Variants in AATF observed in about 807,000 individuals in gnomAD.
The protein encoded by AATF is protein AATF.
AATF carries 48 observed loss-of-function variants against 63.7 expected under a neutral mutation model. The ratio of observed to expected loss-of-function variants is 0.75; its 90% confidence interval spans 0.60 to 0.96. AATF has a LOEUF of 0.96. AATF is among the 40% of genes least tolerant of loss of function. The pLI is 0.00. For missense variants in AATF, 639 were observed against 685.7 expected (o/e 0.93, Z 0.76); for synonymous variants, 258 against 247.7 (o/e 1.04, Z -0.39).
At chr17:36,958,780 A>G (rs1207506545) in intron 4 of AATF, among the ~76,000 whole-genome samples, 7 of 152,232 alleles carry the variant, frequency 4.6e-5, no homozygotes, top group Admixed American at 4.6e-4. Flanking sequence ...TTCAGCATGT[A>G]TGTTCAAAAG....
chr17:36,961,662 A>G (rs920629267), intron 4 of AATF, among the ~76,000 whole-genome samples: 11 of 150,984 alleles, frequency 7.3e-5, no homozygotes, highest in Admixed American at 6.6e-4. Flanking sequence ...GGGACAAAGG[A>G]CTTGTACATT....
chr17:37,019,166 G>A, intron 9 of AATF, 94 bp downstream of exon 9: 1 of 999,456 alleles, frequency 1.0e-6, no homozygotes, highest in Non-Finnish European at 1.6e-6. Flanking sequence ...GCAATGATTG[G>A]TCCTATAATT....
At chr17:37,052,276 A>G (rs576017707) in intron 11 of AATF, 9 of 152,286 alleles carry the variant, frequency 5.9e-5, no homozygotes, top group Non-Finnish European at 1.2e-4. Context: ...TGATGGAACA[A>G]GGTTAACCTG....
At chr17:37,014,543 A>G (rs993245432) in intron 8 of AATF, among the ~76,000 whole-genome samples, 9 of 152,112 alleles carry the variant, frequency 5.9e-5, no homozygotes, top group African/African-American at 2.2e-4. Context: ...GGGACATATG[A>G]TCACCTCTTT....
At chr17:37,031,563 C>G in intron 10 of AATF, 51 bp from the exon 11 acceptor site, 1 of 1,411,690 alleles carries the variant, frequency 7.1e-7, no homozygotes, top group East Asian at 2.3e-5. Flanking sequence ...GTTTCCTCTC[C>G]TAGGTTAATA....
At chr17:36,969,782 C>T (rs1251732450) in intron 4 of AATF, among the ~76,000 whole-genome samples, 2 of 152,172 alleles carry the variant, frequency 1.3e-5, no homozygotes, top group Non-Finnish European at 2.9e-5. Flanking sequence ...CCAGAAGTTT[C>T]CTCAGCCTCT....
Position 37,056,602 on chromosome 17 carries a change from A to G in AATF, c.1621A>G (p.Thr541Ala), listed in dbSNP as rs1348513442. 1 of 1,614,130 alleles carries G rather than the reference A, an allele frequency of 6.2e-7. No individual in the cohort carries two copies. ...DHTTMNDDARTELYRSLFGQL... is the reference protein window; with the variant it reads ...DHTTMNDDARAELYRSLFGQL... ...CAGTTTGCTGTGTTTGTCTTTTAGG[A>G]CAGAACTGTACCGCTCTCTTTTTGG... The change falls in exon 12 of 12, where the codon ACA becomes GCA. Residue 541 changes from threonine (T) to alanine (A), a missense_variant and splice_region_variant. Coordinates refer to ENST00000619387, the MANE Select transcript of AATF (RefSeq NM_012138.4).
chr17:37,021,439 G>A (rs2071469270), intron 10 of AATF, among the ~76,000 whole-genome samples: 1 of 152,058 alleles, frequency 6.6e-6, no homozygotes, highest in Non-Finnish European at 1.5e-5. Flanking sequence ...GACCATCCTG[G>A]CCAACGTGGT....
At chr17:36,965,797 G>T (rs908682904) in intron 4 of AATF, among the ~76,000 whole-genome samples, 4 of 152,118 alleles carry the variant, frequency 2.6e-5, no homozygotes, top group African/African-American at 9.7e-5. Flanking sequence ...GAACTCCTGG[G>T]CTCAAGTGAC....
chr17:36,962,230 G>A (rs1036200548), intron 4 of AATF, among the ~76,000 whole-genome samples: 1 of 152,214 alleles, frequency 6.6e-6, no homozygotes. Flanking sequence ...CTATTTATTA[G>A]AGAGTGAGTT....
intron 4 of AATF, among the ~76,000 whole-genome samples, chr17:36,983,848 T>A (rs981246248): frequency 9.8e-5 from 15 of 152,352 alleles, no homozygotes; most frequent in African/African-American, 3.6e-4. Context: ...TTTATATAGT[T>A]TGATATGCAG....
In AATF at chr17:37,014,566, T is replaced by G. The variant is rs35079342; in HGVS notation, c.1399-4439T>G. Among the ~76,000 whole-genome samples the G allele has an allele frequency of 4.4e-3, 670 of 152,276 alleles. 6 individuals carry two copies. The highest frequency in any genetic ancestry group is 0.015 in the African/African-American group (613 of 41,570). On this transcript the variant is annotated intron_variant, in intron 8 of 11. Coordinates refer to ENST00000619387, the MANE Select transcript of AATF (RefSeq NM_012138.4). Reference sequence around the variant, plus strand: ...TGATCACCTCTTTATATGTAACCTGTTTTTTCTTTAACTGCTTAGGATCTT... The same window carrying G: ...TGATCACCTCTTTATATGTAACCTGGTTTTTCTTTAACTGCTTAGGATCTT...
chr17:37,040,623 A>G (rs1246324512), intron 11 of AATF, among the ~76,000 whole-genome samples: 4 of 152,226 alleles, frequency 2.6e-5, no homozygotes, highest in African/African-American at 9.7e-5. Context: ...GCTGTTGCCA[A>G]GAAATTCACA....
chr17:36,949,131 G>T lies in AATF; in HGVS notation c.6G>T (p.Ala2=), dbSNP rs758939058. ...TGGACCGGGAGCTGGTGACGATGGCGGGGCCGCAGCCCCTGGCGCTGCAAC... is the reference window on the plus strand; with the variant it reads ...TGGACCGGGAGCTGGTGACGATGGCTGGGCCGCAGCCCCTGGCGCTGCAAC... The part of the protein sequence containing the change: M[A]GPQPLALQLE... The change falls in exon 1 of 12, where the codon GCG becomes GCT. Residue 2 remains alanine, a synonymous_variant. Transcript: ENST00000619387. 2.5e-6 allele frequency: 4 copies of T among 1,577,970 alleles called. No individual in the cohort carries two copies. Among genetic ancestry groups the T allele is most frequent in the East Asian group, 4.6e-5 (2 of 43,522 alleles).
At chr17:36,977,424 T>TAG (rs1287574937) in intron 4 of AATF, among the ~76,000 whole-genome samples, 1 of 152,094 alleles carries the variant, frequency 6.6e-6, no homozygotes. Flanking sequence ...ACCCATACTA[T>TAG]AGAGAGAATT....
intron 5 of AATF, 77 bp downstream of exon 5, chr17:36,986,808 A>C: frequency 1.6e-6 from 2 of 1,250,744 alleles, no homozygotes; most frequent in South Asian, 1.3e-5. Flanking sequence ...AAGAAAAGCT[A>C]AGTTCTCTTC....
In AATF at chr17:37,025,530, A is replaced by G. The variant is rs376283421; in HGVS notation, c.1547+4516A>G. ...CAGGAGGAGGTTACGACAGCGATGA[A>G]TACAGGACAGTGTTTAGTAAGGGGT... On this transcript the variant is annotated intron_variant, in intron 10 of 11. Coordinates refer to ENST00000619387, the MANE Select transcript of AATF (RefSeq NM_012138.4). Among the ~76,000 whole-genome samples, 9 of 152,282 alleles carry G rather than the reference A, an allele frequency of 5.9e-5. No individual in the cohort carries two copies. The South Asian group carries it at 1.9e-3, about 32-fold the overall frequency.
intron 11 of AATF, among the ~76,000 whole-genome samples, chr17:37,037,209 G>T (rs12948968): frequency 2.0e-5 from 3 of 151,972 alleles, no homozygotes; most frequent in Non-Finnish European, 4.4e-5. Flanking sequence ...TAGAGGTGGG[G>T]TTTCACCATG....
chr17:37,031,541 C>T lies in AATF; in HGVS notation c.1548-73C>T. 4.9e-6 allele frequency: 6 copies of T among 1,236,176 alleles called. No individual in the cohort carries two copies. The South Asian group carries it at 6.0e-5, about 12-fold the overall frequency. The allele number at this position is 1,236,176 out of a possible 1,614,324, so 76.6% of individuals were successfully genotyped here. A position where few individuals can be genotyped will look rare whatever the true frequency, so the allele number is the denominator to read the frequency against. ...AGTGATCAGTTCTGGAGTTTGTTAA[C>T]TCACTGAATGTGTTTCCTCTCCTAG... On this transcript the variant is annotated intron_variant, in intron 10 of 11. Transcript: ENST00000619387.
Sources: gnomAD v4.1 joint callset for allele counts (sites outside exome capture counted in the v4.1 genomes callset) on GRCh38, gnomAD v4.1.1 for gene constraint, MANE v1.5 for transcripts, NCBI Gene and HGNC (gene_info 2026-07-23, HGNC 2026-07-21) for gene names.